HMOX1: variants seen among roughly 807,000 people sequenced by gnomAD.
HMOX1 encodes heme oxygenase 1, also known as heat shock protein, 32-kD.
A neutral mutation model predicts 27.8 loss-of-function variants in HMOX1; 22 were observed. The observed-to-expected ratio is 0.79, with a 90% confidence interval of 0.57 to 1.13. HMOX1 has a LOEUF of 1.13. HMOX1 is among the 50% of genes most tolerant of loss of function. The pLI is 0.00. For missense variants in HMOX1, 379 were observed against 377.7 expected, an observed-to-expected ratio of 1.00 and a Z score of -0.03; for synonymous variants, 153 against 151.6, an observed-to-expected ratio of 1.01 and a Z score of -0.07.
intron 3 of HMOX1, among the ~76,000 whole-genome samples, chr22:35,389,250 T>TTTCTTTCTTTTCTCTCTCTC (rs1555901550): frequency 3.7e-5 from 4 of 107,862 alleles, no homozygotes; most frequent in Admixed American, 2.6e-4. Flanking sequence ...TTTCTTTCTT[T>TTTCTTTCTTTTCTCTCTCTC]TCTCTCTCTC....
intron 1 of HMOX1, 37 bp downstream of exon 1, chr22:35,381,233 TC>T (rs771317335): frequency 1.3e-6 from 2 of 1,539,564 alleles, no homozygotes; most frequent in Non-Finnish European, 1.7e-6. Context: ...CGGGCGCCTT[TC>T]TCTCCCAACC....
At chr22:35,382,198 C>T (rs950954014) in intron 1 of HMOX1, among the ~76,000 whole-genome samples, 6 of 152,206 alleles carry the variant, frequency 3.9e-5, no homozygotes, top group Non-Finnish European at 5.9e-5. Flanking sequence ...CTCCTCCTCT[C>T]CACTGCGAAC....
chr22:35,385,451 T>C (rs896542639), intron 2 of HMOX1, among the ~76,000 whole-genome samples: 1 of 150,732 alleles, frequency 6.6e-6, no homozygotes, highest in Non-Finnish European at 1.5e-5. Context: ...TTTTTTTTTT[T>C]CTGAGACAGG....
Position 35,393,837 on chromosome 22 carries a change from C to T in HMOX1, c.*239C>T. 2 of 513,388 alleles carry T rather than the reference C, an allele frequency of 3.9e-6. No individual in the cohort carries two copies. The highest frequency in any genetic ancestry group is 3.9e-5 in the South Asian group (2 of 51,312). The allele number at this position is 513,388 out of a possible 1,614,324, so 31.8% of individuals were successfully genotyped here. On this transcript the variant is annotated 3_prime_UTR_variant, in exon 5 of 5. Transcript: ENST00000216117. The stretch of plus-strand genomic sequence containing the variant: ...AGAGGGGGCGAAGGGATCAGCCCTG[C>T]CCTTCAGCATCCTCAGTTCCTGCAG...
At chr22:35,390,467 G>T (rs1424822484) in intron 4 of HMOX1, among the ~76,000 whole-genome samples, 1 of 152,044 alleles carries the variant, frequency 6.6e-6, no homozygotes, top group Non-Finnish European at 1.5e-5. Flanking sequence ...GACCTCAGGT[G>T]ATCCGCCCAC....
rs202094347 is a variant in HMOX1, at chr22:35,387,176, G to A, written c.636G>A (p.Gln212=). The change falls in exon 3 of 5, where the codon CAG becomes CAA. Residue 212 remains glutamine (Q), a splice_region_variant and synonymous_variant. Coordinates refer to ENST00000216117, the MANE Select transcript of HMOX1 (RefSeq NM_002133.3). ...AGACTGCGTTCCTGCTCAACATCCA[G>A]GTGAGGGTCGGGCAGCCTGGGGCAG... is the stretch of plus-strand genomic sequence containing the variant. ...EAKTAFLLNI[Q]LFEELQELLT... 4.3e-6 allele frequency: 7 copies of A among 1,613,298 alleles called. No individual in the cohort carries two copies. The highest frequency in any genetic ancestry group is 1.7e-6 in the Non-Finnish European group (2 of 1,180,054).
intron 1 of HMOX1, among the ~76,000 whole-genome samples, chr22:35,382,325 G>GTTTTTTGT (rs1014270120): frequency 6.6e-6 from 1 of 150,622 alleles, no homozygotes; most frequent in African/African-American, 2.4e-5. Flanking sequence ...TTTGTTTTTT[G>GTTTTTTGT]TTTTTTGTTT....
chr22:35,388,993 T>C (rs546502546), intron 3 of HMOX1, among the ~76,000 whole-genome samples: 1 of 152,242 alleles, frequency 6.6e-6, no homozygotes, highest in South Asian at 2.1e-4. Context: ...AGAGTGCATG[T>C]ACTAGGATAC....
intron 1 of HMOX1, among the ~76,000 whole-genome samples, chr22:35,382,145 G>A (rs1438025368): frequency 6.6e-6 from 1 of 151,980 alleles, no homozygotes; most frequent in African/African-American, 2.4e-5. Flanking sequence ...TGGAGATGCC[G>A]GTTCATGGGG....
At position 35,388,602 on chromosome 22, in the gene HMOX1, A is replaced by T. The variant is rs1931566679; in HGVS notation, c.637-1262A>T. 2.6e-5 allele frequency among the ~76,000 whole-genome samples: 4 copies of T among 151,970 alleles called. No individual in the cohort carries two copies. The South Asian group carries it at 8.3e-4, about 31-fold the overall frequency. On this transcript the variant is annotated intron_variant, in intron 3 of 4. Coordinates refer to ENST00000216117, the MANE Select transcript of HMOX1 (RefSeq NM_002133.3). ...GGAGATCGAGACCATCCTGACTAAC[A>T]CGGTGAAACCCCATCTCTACTAAAA...
intron 2 of HMOX1, 83 bp from the exon 3 acceptor site, chr22:35,386,602 T>G: frequency 6.3e-7 from 1 of 1,588,820 alleles, no homozygotes; most frequent in Non-Finnish European, 8.6e-7. Flanking sequence ...GGAGGGCCTT[T>G]CCAAAGGCAG....
Position 35,387,161 on chromosome 22 carries a change from C to G in HMOX1, c.621C>G (p.Phe207Leu), listed in dbSNP as rs144886838. Residue 207 changes from phenylalanine (F) to leucine (L), a missense_variant, in exon 3 of 5, where the codon TTC (phenylalanine) becomes TTG (leucine). Physicochemically the swap from Phe to Leu is conservative, Grantham distance 22. Transcript: ENST00000216117. The stretch of plus-strand genomic sequence containing the variant: ...TGATAGAAGAGGCCAAGACTGCGTT[C>G]CTGCTCAACATCCAGGTGAGGGTCG... ...QRVIEEAKTA[F>L]LLNIQLFEEL... is the part of the protein sequence containing the mutation. 1 of 1,613,514 alleles carries G rather than the reference C, an allele frequency of 6.2e-7. No homozygotes were observed. Among genetic ancestry groups the G allele is most frequent in the South Asian group, 1.1e-5 (1 of 91,086 alleles).
chr22:35,387,996 G>A (rs1375109967), intron 3 of HMOX1, among the ~76,000 whole-genome samples: 3 of 152,206 alleles, frequency 2.0e-5, no homozygotes, highest in Non-Finnish European at 4.4e-5. Context: ...AGGTGCAGTG[G>A]CTCGCGCCTG....
chr22:35,382,956 C>T (rs1931416645), intron 1 of HMOX1, 150 bp from the exon 2 acceptor site: 2 of 1,129,578 alleles, frequency 1.8e-6, no homozygotes, highest in African/African-American at 1.5e-5. Context: ...CCGTGCCCAG[C>T]CACAAGGCTG....
At chr22:35,389,404 C>CTTTCTTTCTTTCTTTCTTTCTT (rs1931642484) in intron 3 of HMOX1, among the ~76,000 whole-genome samples, 1 of 88,960 alleles carries the variant, frequency 1.1e-5, no homozygotes, top group Non-Finnish European at 1.9e-5. Flanking sequence ...TCCTTTCTTT[C>CTTTCTTTCTTTCTTTCTTTCTT]TTTCTTTCTT....
At chr22:35,392,512 C>T (rs1245585783) in intron 4 of HMOX1, among the ~76,000 whole-genome samples, 1 of 152,058 alleles carries the variant, frequency 6.6e-6, no homozygotes, top group African/African-American at 2.4e-5. Context: ...GGCCACCAGA[C>T]CTAAGGCCCT....
At chr22:35,392,818 A>T (rs1041692888) in intron 4 of HMOX1, among the ~76,000 whole-genome samples, 1 of 151,728 alleles carries the variant, frequency 6.6e-6, no homozygotes, top group Non-Finnish European at 1.5e-5. Context: ...CCTGGGTTCA[A>T]GCAATTCTCT....
chr22:35,388,429 G>C (rs1931560915), intron 3 of HMOX1, among the ~76,000 whole-genome samples: 1 of 151,588 alleles, frequency 6.6e-6, no homozygotes, highest in African/African-American at 2.4e-5. Context: ...TCCAGCCTGG[G>C]CAACGGCAAC....
In HMOX1 at chr22:35,389,792, A is replaced by T. The variant is rs745661958; in HGVS notation, c.637-72A>T. On this transcript the variant is annotated intron_variant, in intron 3 of 4. Coordinates refer to ENST00000216117, the MANE Select transcript of HMOX1 (RefSeq NM_002133.3). The stretch of plus-strand genomic sequence containing the variant: ...TCCAAAGTATTTCCTAACACAACTT[A>T]AGGTCCTACCTTCAGCTGGGACCTG... 4.0e-4 allele frequency: 405 copies of T among 1,014,742 alleles called. 1 individual carries two copies. The highest frequency in any genetic ancestry group is 2.3e-4 in the Non-Finnish European group (152 of 656,782). 62.9% of individuals were successfully genotyped at this position (1,014,742 alleles called of 1,614,324 possible).
Sources: gnomAD v4.1 joint callset for allele counts (sites outside exome capture counted in the v4.1 genomes callset) on GRCh38, gnomAD v4.1.1 for gene constraint, MANE v1.5 for transcripts, NCBI Gene and HGNC (gene_info 2026-07-23, HGNC 2026-07-21) for gene names.